The following STXBP3 variants were observed in gnomAD, a reference collection of about 807,000 sequenced individuals.
The protein encoded by STXBP3 is syntaxin binding protein 3.
In STXBP3, 41 loss-of-function variants were observed where a neutral mutation model predicts 85.7. The ratio of observed to expected loss-of-function variants is 0.48; its 90% confidence interval spans 0.37 to 0.62. The LOEUF is 0.62. Ranked by LOEUF, STXBP3 falls within the 20% of genes least tolerant of loss-of-function variation. The pLI is 0.00. For missense variants in STXBP3, 563 were observed against 703.1 expected (o/e 0.80, Z 2.25); for synonymous variants, 229 against 231.7 (o/e 0.99, Z 0.10).
At chr1:108,760,222 T>G (rs1662108658) in intron 6 of STXBP3, 137 bp downstream of exon 6, 2 of 523,872 alleles carry the variant, frequency 3.8e-6, no homozygotes, top group Non-Finnish European at 6.6e-6. Flanking sequence ...AATAGACATT[T>G]CCCATGATGA....
intron 16 of STXBP3, among the ~76,000 whole-genome samples, chr1:108,798,784 C>T (rs1282153769): frequency 1.3e-5 from 2 of 152,114 alleles, no homozygotes; most frequent in African/African-American, 4.8e-5. Flanking sequence ...AAAATAAACA[C>T]ATATATGCTT....
chr1:108,748,584 C>T (rs1366423942), intron 1 of STXBP3, among the ~76,000 whole-genome samples: 1 of 152,024 alleles, frequency 6.6e-6, no homozygotes, highest in South Asian at 2.1e-4. Flanking sequence ...GTAATTACAG[C>T]ACTTTGGGAG....
At chr1:108,762,282 G>C (rs1057059079) in intron 6 of STXBP3, among the ~76,000 whole-genome samples, 1 of 152,118 alleles carries the variant, frequency 6.6e-6, no homozygotes, top group South Asian at 2.1e-4. Context: ...AAATCAAGTA[G>C]GACTAGGCTC....
Position 108,799,786 on chromosome 1 carries a change from G to A in STXBP3, c.1450-434G>A, listed in dbSNP as rs76026002. On this transcript the variant is annotated intron_variant, in intron 16 of 18. Transcript: ENST00000370008. ...TCATAAAATCTAACATTGAAAAAAG[G>A]GAAAATTTTAAAGAATAAAATGAAA... 6.8e-3 allele frequency among the ~76,000 whole-genome samples: 1,040 copies of A among 152,076 alleles called. 12 individuals are homozygous for A. The highest frequency in any genetic ancestry group is 0.024 in the African/African-American group (995 of 41,504).
In STXBP3 at chr1:108,793,630, C is replaced by T. The variant is rs768412787; in HGVS notation, c.1012C>T (p.Arg338Ter). ...TQLMKKMPHF[R>*]KQITKQVVHL... The stretch of plus-strand genomic sequence containing the variant: ...GCTGATGAAAAAGATGCCCCATTTC[C>T]GAAAACAGATTACTAAGGTAAGCAG... Residue 338 changes from arginine (R) to a stop codon, truncating the protein, a stop_gained, in exon 12 of 19, where the codon CGA becomes TGA. Transcript: ENST00000370008. LOFTEE classifies it high-confidence loss of function. 3.7e-6 allele frequency: 6 copies of T among 1,611,546 alleles called. No individual in the cohort carries two copies. Among genetic ancestry groups the T allele is most frequent in the East Asian group, 2.2e-5 (1 of 44,682 alleles).
At chr1:108,799,480 T>C (rs1663186028) in intron 16 of STXBP3, among the ~76,000 whole-genome samples, 1 of 152,188 alleles carries the variant, frequency 6.6e-6, no homozygotes, top group Non-Finnish European at 1.5e-5. Context: ...CATGACAGTC[T>C]TAGGCCTTTA....
chr1:108,786,018 G>GTTA (rs1468312631), intron 11 of STXBP3, among the ~76,000 whole-genome samples: 1 of 152,164 alleles, frequency 6.6e-6, no homozygotes, highest in African/African-American at 2.4e-5. Flanking sequence ...ACCTCTGCCT[G>GTTA]TTACCCAGTT....
intron 11 of STXBP3, among the ~76,000 whole-genome samples, chr1:108,784,457 A>G (rs1241201297): frequency 1.3e-5 from 2 of 152,194 alleles, no homozygotes; most frequent in Admixed American, 6.5e-5. Flanking sequence ...TATCACAAGA[A>G]TAGCATGGGG....
intron 18 of STXBP3, among the ~76,000 whole-genome samples, chr1:108,808,303 G>A (rs1363800532): frequency 6.6e-6 from 1 of 152,138 alleles, no homozygotes; most frequent in Non-Finnish European, 1.5e-5. Flanking sequence ...CTTGAGGCCA[G>A]GAGTTTGAAA....
At chr1:108,774,369 A>G (rs564212523) in intron 7 of STXBP3, among the ~76,000 whole-genome samples, 14 of 152,330 alleles carry the variant, frequency 9.2e-5, no homozygotes, top group Admixed American at 7.8e-4. Flanking sequence ...ACTACTCGTA[A>G]TAAGTATTAC....
Position 108,803,068 on chromosome 1 carries a change from G to A in STXBP3, c.1535+2763G>A, listed in dbSNP as rs556194181. Among the ~76,000 whole-genome samples, 3 of 152,286 alleles carry A rather than the reference G, an allele frequency of 2.0e-5. No homozygotes were observed. In the East Asian group the frequency reaches 5.8e-4, roughly 29 times the overall value. ...ATTCTTGTACTTTTACGTATATCTG[G>A]ATAGGGTGCTTCCCTTGGACTGAGG... On this transcript the variant is annotated intron_variant, in intron 17 of 18. Transcript: ENST00000370008.
At chr1:108,796,192 A>G (rs1378771316) in intron 13 of STXBP3, 42 bp from the exon 14 acceptor site, 2 of 1,588,878 alleles carry the variant, frequency 1.3e-6, no homozygotes, top group Admixed American at 3.7e-5. Context: ...TAAAAAATGA[A>G]TTTTGGTTAT....
At chr1:108,781,716 T>G (rs1662717481) in intron 9 of STXBP3, 1 of 152,200 alleles carries the variant, frequency 6.6e-6, no homozygotes, top group South Asian at 2.1e-4. Flanking sequence ...TATTCCTGTT[T>G]TGTTTTGTTT....
At chr1:108,756,659 G>T in intron 3 of STXBP3, 31 bp from the exon 4 acceptor site, 1 of 1,294,316 alleles carries the variant, frequency 7.7e-7, no homozygotes, top group Non-Finnish European at 1.1e-6. Flanking sequence ...ATAAATATTT[G>T]GTTATATAAA....
intron 7 of STXBP3, 142 bp downstream of exon 7, chr1:108,772,961 T>A: frequency 2.6e-6 from 2 of 783,492 alleles, no homozygotes; most frequent in Non-Finnish European, 3.5e-6. Flanking sequence ...ATAGGAGATT[T>A]AAAGCTTGTG....
chr1:108,753,771 G>A (rs1399188770), intron 3 of STXBP3, among the ~76,000 whole-genome samples: 4 of 152,026 alleles, frequency 2.6e-5, no homozygotes, highest in African/African-American at 9.7e-5. Context: ...GCATAATCAT[G>A]TTATTCTTAA....
chr1:108,767,407 A>AT (rs1557804163), intron 6 of STXBP3: 1 of 208,284 alleles, frequency 4.8e-6, no homozygotes, highest in African/African-American at 2.4e-5. Context: ...TGGTGAAAAC[A>AT]TTCCTTCTTG....
chr1:108,804,981 T>C lies in STXBP3; in HGVS notation c.1536-2420T>C, dbSNP rs117265870. The stretch of plus-strand genomic sequence containing the variant: ...GCCCTGGAGATTTCTCTGACTTGTT[T>C]ACTCTCAGCTATGCTTTAAAAACAT... On this transcript the variant is annotated intron_variant, in intron 17 of 18. Coordinates refer to ENST00000370008, the MANE Select transcript of STXBP3 (RefSeq NM_007269.4). Among the ~76,000 whole-genome samples the C allele has an allele frequency of 4.5e-4, 69 of 152,382 alleles. No individual in the cohort carries two copies. The East Asian group carries it at 0.013, about 28-fold the overall frequency.
intron 4 of STXBP3, among the ~76,000 whole-genome samples, chr1:108,757,520 T>C (rs1389357498): frequency 6.6e-6 from 1 of 151,926 alleles, no homozygotes; most frequent in African/African-American, 2.4e-5. Flanking sequence ...AAATTCATGA[T>C]TGGAAAAAAA....
Sources: gnomAD v4.1 joint callset for allele counts (sites outside exome capture counted in the v4.1 genomes callset) on GRCh38, gnomAD v4.1.1 for gene constraint, MANE v1.5 for transcripts, NCBI Gene and HGNC (gene_info 2026-07-23, HGNC 2026-07-21) for gene names.